Variants in TMC3 observed in about 807,000 individuals in gnomAD.
The protein encoded by TMC3 is transmembrane channel like 3.
Under a neutral mutation model 110.6 loss-of-function variants are expected in TMC3, and 98 were observed. That is an observed-to-expected ratio of 0.89 (90% CI 0.75 to 1.05). The LOEUF is 1.05. Ranked by LOEUF, TMC3 falls within the 50% of genes least tolerant of loss-of-function variation. The probability of loss-of-function intolerance (pLI) is 0.00; values close to 1 mark genes in which losing one functional copy is unlikely to be tolerated. For missense variants in TMC3, 1,319 were observed against 1,373.2 expected (o/e 0.96, Z 0.62); for synonymous variants, 489 against 513.1 (o/e 0.95, Z 0.63).
At chr15:81,346,711 T>G (rs1468721656) in intron 11 of TMC3, among the ~76,000 whole-genome samples, 1 of 152,168 alleles carries the variant, frequency 6.6e-6, no homozygotes, top group African/African-American at 2.4e-5. Flanking sequence ...TTACAAACAC[T>G]AGTGTAGCAG....
chr15:81,344,547 T>C (rs1274998929), intron 13 of TMC3, among the ~76,000 whole-genome samples: 1 of 152,254 alleles, frequency 6.6e-6, no homozygotes, highest in Admixed American at 6.5e-5. Flanking sequence ...AGGACTCTTA[T>C]GAGGACCAAG....
intron 10 of TMC3, among the ~76,000 whole-genome samples, chr15:81,350,047 GA>G (rs1428468713): frequency 6.7e-6 from 1 of 148,364 alleles, no homozygotes; most frequent in Non-Finnish European, 1.5e-5. Context: ...AGGTGTTTAA[GA>G]CCAGCCAGGG....
At chr15:81,341,561 GC>G in intron 15 of TMC3, 43 bp from the exon 16 acceptor site, 1 of 1,586,612 alleles carries the variant, frequency 6.3e-7, no homozygotes, top group Non-Finnish European at 8.6e-7. Flanking sequence ...TTCTCTTTCA[GC>G]CTATCTCCCA....
chr15:81,351,543 G>A (rs1596086771), intron 10 of TMC3, 151 bp downstream of exon 10: 2 of 919,114 alleles, frequency 2.2e-6, no homozygotes, highest in East Asian at 5.9e-5. Flanking sequence ...GTAGAGATGG[G>A]GTTTCATCAT....
chr15:81,343,881 T>C (rs1893765073), intron 14 of TMC3, 36 bp downstream of exon 14: 4 of 1,601,852 alleles, frequency 2.5e-6, no homozygotes, highest in Non-Finnish European at 3.4e-6. Flanking sequence ...GATTTGGCCA[T>C]ATAAACTTTC....
intron 1 of TMC3, 122 bp from the exon 2 acceptor site, chr15:81,372,859 A>C (rs4275816): frequency 5.6e-6 from 4 of 717,948 alleles, no homozygotes; most frequent in Non-Finnish European, 8.9e-6. Context: ...TGAAATGTGT[A>C]TGTGTTTGTG....
Position 81,332,964 on chromosome 15 carries a change from G to A in TMC3, c.2758C>T (p.Leu920=). The change falls in exon 22 of 22, where the codon CTG becomes TTG. Residue 920 remains leucine, a synonymous_variant. Transcript: ENST00000359440. ...TATTGTCGCACGTTCCTGGGGTACA[G>A]CTCCACAATGTCACCTGAAGCATCT... ...KIDASGDIVE[L]YPRNVRQYAS... The A allele has an allele frequency of 6.2e-7, 1 of 1,612,692 alleles. No homozygotes were observed. Among genetic ancestry groups the A allele is most frequent in the Non-Finnish European group, 8.5e-7 (1 of 1,179,254 alleles).
chr15:81,356,497 T>A lies in TMC3; in HGVS notation c.841A>T (p.Asn281Tyr), dbSNP rs1474358664. 1 of 1,570,020 alleles carries A rather than the reference T, an allele frequency of 6.4e-7. No individual in the cohort carries two copies. Among genetic ancestry groups the A allele is most frequent in the East Asian group, 2.3e-5 (1 of 42,558 alleles). ...GTTTTGCTCTCTGCAGCCTCTGGGT[T>A]TCCAATGAGGTAATCCCAGGCACAG... is the stretch of plus-strand genomic sequence containing the variant. Reference protein sequence around the residue: ...VFCAWDYLIGNPEAAESKTAA... With the variant: ...VFCAWDYLIGYPEAAESKTAA... The change falls in exon 8 of 22, where the codon AAC becomes TAC. Residue 281 changes from asparagine to tyrosine, a missense_variant. Asn to Tyr is a moderately radical substitution (Grantham distance 143). Coordinates refer to ENST00000359440, the MANE Select transcript of TMC3 (RefSeq NM_001080532.3).
chr15:81,334,683 A>G, intron 21 of TMC3, 37 bp downstream of exon 21: 1 of 1,583,890 alleles, frequency 6.3e-7, no homozygotes. Flanking sequence ...AATCTCTCAC[A>G]TTCCAGGTTT....
At position 81,339,499 on chromosome 15, in the gene TMC3, T is replaced by C. The variant is rs1226656409; in HGVS notation, c.1850A>G (p.Asn617Ser). 1 of 1,596,364 alleles carries C rather than the reference T, an allele frequency of 6.3e-7. No homozygotes were observed. Residue 617 changes from asparagine to serine, a missense_variant, in exon 17 of 22, where the codon AAC becomes AGC. By Grantham distance (46) the Asn-to-Ser change is conservative. Coordinates refer to ENST00000359440, the MANE Select transcript of TMC3 (RefSeq NM_001080532.3). ...CAGGAGCATTGCCAAGTAGAAGTTG[T>C]TGGATCTGCAGATAAATCAGATGTC... ...HQQVFRASRS[N>S]NFYLAMLLFM...
intron 21 of TMC3, among the ~76,000 whole-genome samples, chr15:81,333,835 A>G (rs1371894080): frequency 6.6e-6 from 1 of 152,058 alleles, no homozygotes; most frequent in Non-Finnish European, 1.5e-5. Context: ...TTGAAAATAC[A>G]AAAAAATAGC....
chr15:81,335,266 C>T (rs1371739457), intron 20 of TMC3, among the ~76,000 whole-genome samples: 1 of 152,198 alleles, frequency 6.6e-6, no homozygotes, highest in African/African-American at 2.4e-5. Context: ...TTTGGGCCTC[C>T]AGTTCCTTAT....
chr15:81,333,348 T>C, intron 21 of TMC3, 86 bp from the exon 22 acceptor site: 2 of 1,512,654 alleles, frequency 1.3e-6, no homozygotes, highest in South Asian at 1.3e-5. Flanking sequence ...AGCAGTTCTC[T>C]GAGCATTTTC....
At chr15:81,370,555 C>G (rs898949191) in intron 2 of TMC3, among the ~76,000 whole-genome samples, 1 of 152,108 alleles carries the variant, frequency 6.6e-6, no homozygotes, top group Admixed American at 6.5e-5. Context: ...AGTGCCTTGA[C>G]AGAAAAGTTA....
At chr15:81,347,594 C>G (rs200047524) in intron 11 of TMC3, among the ~76,000 whole-genome samples, 1 of 152,146 alleles carries the variant, frequency 6.6e-6, no homozygotes, top group East Asian at 1.9e-4. Flanking sequence ...TTGGCATTAC[C>G]ATCACTCTGT....
intron 8 of TMC3, 30 bp downstream of exon 8, chr15:81,356,417 C>T (rs1012239667): frequency 1.9e-6 from 3 of 1,553,260 alleles, no homozygotes; most frequent in East Asian, 2.4e-5. Context: ...GCTGCCCACC[C>T]CCGCAGGCTG....
intron 7 of TMC3, 130 bp from the exon 8 acceptor site, chr15:81,356,724 A>C: frequency 5.0e-6 from 5 of 990,344 alleles, no homozygotes; most frequent in Non-Finnish European, 7.2e-6. Context: ...CTCGGGTCAC[A>C]GCTTGGACAG....
intron 11 of TMC3, among the ~76,000 whole-genome samples, chr15:81,348,439 C>T (rs1007275982): frequency 5.9e-5 from 9 of 152,268 alleles, no homozygotes; most frequent in Admixed American, 4.6e-4. Context: ...GACCATACTC[C>T]GGGGAGAACA....
rs765092075 is a variant in TMC3 at position 81,332,734 on chromosome 15, C to A, written c.2988G>T (p.Trp996Cys). 3.7e-6 allele frequency: 6 copies of A among 1,613,608 alleles called. No individual in the cohort carries two copies. The highest frequency in any genetic ancestry group is 1.6e-4 in the Middle Eastern group (1 of 6,084). Reference sequence around the variant, plus strand: ...CAAGGTGACCCTCAAAATCTTCATTCCACGACTTGTAGTGCACCCTCCCCT... The same window carrying A: ...CAAGGTGACCCTCAAAATCTTCATTACACGACTTGTAGTGCACCCTCCCCT... ...EHQGRVHYKSWNEDFEGHLER... is the reference protein window; with the variant it reads ...EHQGRVHYKSCNEDFEGHLER... The change falls in exon 22 of 22, where the codon TGG (tryptophan) becomes TGT (cysteine). Residue 996 changes from tryptophan to cysteine, a missense_variant. Coordinates refer to ENST00000359440, the MANE Select transcript of TMC3 (RefSeq NM_001080532.3).
Sources: allele counts gnomAD v4.1 joint callset (sites outside exome capture counted in the v4.1 genomes callset), GRCh38; gene constraint gnomAD v4.1.1; transcripts MANE v1.5; gene names NCBI Gene and HGNC (gene_info 2026-07-23, HGNC 2026-07-21).